Variants in RALGAPA2 observed in about 807,000 individuals in gnomAD.
RALGAPA2 encodes the protein ral GTPase-activating protein subunit alpha-2.
RALGAPA2 carries 139 observed loss-of-function variants against 230.4 expected under a neutral mutation model. The ratio of observed to expected loss-of-function variants is 0.60; its 90% CI spans 0.53 to 0.69. The LOEUF is 0.69. RALGAPA2 is among the 30% of genes least tolerant of loss of function. RALGAPA2 has a pLI of 0.00. For synonymous variants in RALGAPA2, 847 were observed against 837.8 expected (o/e 1.01, Z -0.19); for missense variants, 2,163 against 2,276.0 (o/e 0.95, Z 1.01).
Position 20,512,723 on chromosome 20 carries a change from G to T in RALGAPA2, c.4646C>A (p.Pro1549Gln). Residue 1549 changes from proline (P) to glutamine (Q), a missense_variant, in exon 32 of 40, where the codon CCA becomes CAA. Pro to Gln is a moderately conservative substitution (Grantham distance 76). Transcript: ENST00000202677. ...QLNLNEPSLT[P>Q]CGMNYDQEKE... The stretch of plus-strand genomic sequence containing the variant: ...CTCTTGGTCATAGTTCATGCCACAT[G>T]GGGTTAGGGAAGGTTCATTTAGATT... 6.2e-7 allele frequency: 1 copy of T among 1,613,884 alleles called. No individual in the cohort carries two copies. The highest frequency in any genetic ancestry group is 8.5e-7 in the Non-Finnish European group (1 of 1,179,802).
rs867160108 is a variant in RALGAPA2 at position 20,583,506 on chromosome 20, C to T, written c.2531-280G>A. Reference sequence around the variant, plus strand: ...TTCAACGTGTCTTCACTCAGTACCCCCTACACCCAAACTACACCAAGTCCT... The same window carrying T: ...TTCAACGTGTCTTCACTCAGTACCCTCTACACCCAAACTACACCAAGTCCT... On this transcript the variant is annotated intron_variant, in intron 19 of 39. Transcript: ENST00000202677. Among the ~76,000 whole-genome samples the T allele has an allele frequency of 2.6e-5, 4 of 152,240 alleles. No individual in the cohort carries two copies. The South Asian group carries it at 8.3e-4, about 32-fold the overall frequency.
At chr20:20,518,224 T>C (rs6132310) in intron 31 of RALGAPA2, among the ~76,000 whole-genome samples, 2,572 of 152,178 alleles carry the variant, frequency 0.017, 94 homozygotes, top group East Asian at 0.15. Context: ...CCCAGCTAAT[T>C]TTTTGTATTT....
chr20:20,684,381 TCAGA>T (rs2068629255), intron 1 of RALGAPA2, among the ~76,000 whole-genome samples: 1 of 152,130 alleles, frequency 6.6e-6, no homozygotes, highest in African/African-American at 2.4e-5. Context: ...CCTCATTCCC[TCAGA>T]CACTCAAGTA....
At chr20:20,427,050 G>A (rs2060398165) in intron 37 of RALGAPA2, among the ~76,000 whole-genome samples, 1 of 152,116 alleles carries the variant, frequency 6.6e-6, no homozygotes, top group Non-Finnish European at 1.5e-5. Context: ...CCTGACTTGA[G>A]AGCCTGGCTC....
intron 24 of RALGAPA2, among the ~76,000 whole-genome samples, chr20:20,540,553 T>G (rs917769900): frequency 6.6e-6 from 1 of 152,234 alleles, no homozygotes; most frequent in African/African-American, 2.4e-5. Flanking sequence ...GTTTTGTATT[T>G]CATCCTTTCT....
intron 16 of RALGAPA2, among the ~76,000 whole-genome samples, chr20:20,599,747 CA>C (rs2065575060): frequency 6.6e-6 from 1 of 152,104 alleles, no homozygotes; most frequent in African/African-American, 2.4e-5. Context: ...CCAAGACAGG[CA>C]AATCACCTGA....
chr20:20,657,888 T>C (rs1359801724), intron 3 of RALGAPA2, among the ~76,000 whole-genome samples: 1 of 152,236 alleles, frequency 6.6e-6, no homozygotes, highest in Non-Finnish European at 1.5e-5. Flanking sequence ...GTCTTTAATT[T>C]GGTCAGGAAA....
chr20:20,576,528 G>A (rs902946187), intron 20 of RALGAPA2, among the ~76,000 whole-genome samples: 2 of 151,990 alleles, frequency 1.3e-5, no homozygotes, highest in East Asian at 3.8e-4. Flanking sequence ...CCTGATGTAT[G>A]ATATTTTTCC....
At position 20,702,898 on chromosome 20, in the gene RALGAPA2, C is replaced by T. The variant is rs570724736; in HGVS notation, c.106+9477G>A. Among the ~76,000 whole-genome samples, 46 of 152,282 alleles carry T rather than the reference C, an allele frequency of 3.0e-4. No individual in the cohort carries two copies. The Middle Eastern group carries it at 0.01, about 34-fold the overall frequency. On this transcript the variant is annotated intron_variant, in intron 1 of 39. Coordinates refer to ENST00000202677, the MANE Select transcript of RALGAPA2 (RefSeq NM_020343.4). ...AAATTTGATTACTACTTTGTCCAGGCATGGTGGCTCAGGCCTGTAATCCCA... is the reference window on the plus strand; with the variant it reads ...AAATTTGATTACTACTTTGTCCAGGTATGGTGGCTCAGGCCTGTAATCCCA...
intron 20 of RALGAPA2, among the ~76,000 whole-genome samples, chr20:20,578,949 T>G (rs1201341283): frequency 6.6e-6 from 1 of 152,206 alleles, no homozygotes; most frequent in Non-Finnish European, 1.5e-5. Context: ...CTATCATTAT[T>G]ATTTTTCTTT....
At chr20:20,532,386 T>G (rs2063389147) in intron 26 of RALGAPA2, among the ~76,000 whole-genome samples, 1 of 152,208 alleles carries the variant, frequency 6.6e-6, no homozygotes. Context: ...GAAATTTGGC[T>G]TTCTACACTA....
intron 5 of RALGAPA2, among the ~76,000 whole-genome samples, chr20:20,643,056 T>A (rs1258406788): frequency 6.6e-6 from 1 of 152,186 alleles, no homozygotes; most frequent in Non-Finnish European, 1.5e-5. Flanking sequence ...GAGACCCTGT[T>A]GTTCTTTTCT....
intron 35 of RALGAPA2, among the ~76,000 whole-genome samples, chr20:20,502,439 T>C (rs1013736398): frequency 1.3e-5 from 2 of 152,236 alleles, no homozygotes; most frequent in Admixed American, 1.3e-4. Context: ...TAAGCAATTT[T>C]ATAGGAATTA....
Position 20,584,919 on chromosome 20 carries a change from C to A in RALGAPA2, c.2476G>T (p.Asp826Tyr), listed in dbSNP as rs1280376954. The change falls in exon 19 of 40, where the codon GAT becomes TAT. Residue 826 changes from aspartate to tyrosine, a missense_variant. Asp to Tyr is a radical substitution (Grantham distance 160, BLOSUM62 -3). Coordinates refer to ENST00000202677, the MANE Select transcript of RALGAPA2 (RefSeq NM_020343.4). ...VRRSSSPAEL[D>Y]LKDDLQQTQG... ...GTCTGCTGCAAATCATCTTTCAAAT[C>A]CAATTCAGCAGGGCTGCTGCTTCTT... 1 of 1,611,678 alleles carries A rather than the reference C, an allele frequency of 6.2e-7. No homozygotes were observed. The highest frequency in any genetic ancestry group is 8.5e-7 in the Non-Finnish European group (1 of 1,178,720).
rs1468153689 is a variant in RALGAPA2, at chr20:20,398,986, G to C, written c.5618-2252C>G. Among the ~76,000 whole-genome samples the C allele has an allele frequency of 6.6e-6, 1 of 152,190 alleles. No homozygotes were observed. The highest frequency in any genetic ancestry group is 1.5e-5 in the Non-Finnish European group (1 of 68,034). On this transcript the variant is annotated intron_variant, in intron 38 of 39. Transcript: ENST00000202677. This position sits in a 1 kb window ranked among gnomAD's most constrained non-coding sequence, Gnocchi z 4.5. Reference sequence around the variant, plus strand: ...TACACAGTGTTTCTGTGGTGTTTCAGGGGAGGGGACAAATTAGGAAACCAA... The same window carrying C: ...TACACAGTGTTTCTGTGGTGTTTCACGGGAGGGGACAAATTAGGAAACCAA...
At chr20:20,415,573 T>C (rs1294767520) in intron 37 of RALGAPA2, among the ~76,000 whole-genome samples, 1 of 152,244 alleles carries the variant, frequency 6.6e-6, no homozygotes, top group African/African-American at 2.4e-5. Flanking sequence ...CCACTCATTC[T>C]GTTCACATTT....
intron 1 of RALGAPA2, among the ~76,000 whole-genome samples, chr20:20,698,680 G>A (rs1019306140): frequency 1.3e-5 from 2 of 152,196 alleles, no homozygotes; most frequent in African/African-American, 2.4e-5. Flanking sequence ...GATTACAGGC[G>A]TGAGCTACCG....
intron 38 of RALGAPA2, among the ~76,000 whole-genome samples, chr20:20,411,140 T>A (rs1392572568): frequency 6.6e-6 from 1 of 152,188 alleles, no homozygotes; most frequent in African/African-American, 2.4e-5. Flanking sequence ...AGGTTAGAAA[T>A]CTATTAAGCA....
chr20:20,699,770 C>T, intron 1 of RALGAPA2, among the ~76,000 whole-genome samples: 1 of 152,074 alleles, frequency 6.6e-6, no homozygotes, highest in East Asian at 1.9e-4. Context: ...CCATCTCACA[C>T]CAGTCAGAAT....
Sources: allele counts gnomAD v4.1 joint callset (sites outside exome capture counted in the v4.1 genomes callset), GRCh38; gene constraint gnomAD v4.1.1; non-coding constraint Gnocchi (gnomAD v3.1); transcripts MANE v1.5; gene names NCBI Gene and HGNC (gene_info 2026-07-23, HGNC 2026-07-21).